The following RTN1 variants were observed in gnomAD, a reference collection of about 807,000 sequenced individuals.
RTN1 encodes reticulon 1, also known as reticulon-1.
In RTN1, 25 loss-of-function variants were observed where a neutral mutation model predicts 65.5. That is an observed-to-expected ratio of 0.38 (90% CI 0.28 to 0.53). The LOEUF (loss-of-function observed/expected upper bound fraction) is 0.53, where lower values mean the gene tolerates loss of function less well. Among genes scored for constraint, RTN1 ranks in the 20% least tolerant of loss-of-function variants. The probability of loss-of-function intolerance (pLI) is 0.79; values close to 1 mark genes in which losing one functional copy is unlikely to be tolerated. For synonymous variants in RTN1, 471 were observed against 447.6 expected, an observed-to-expected ratio of 1.05 and a Z score of -0.66; for missense variants, 983 against 1,025.4, an observed-to-expected ratio of 0.96 and a Z score of 0.57.
intron 1 of RTN1, among the ~76,000 whole-genome samples, chr14:59,779,088 T>C (rs2139571711): frequency 6.6e-6 from 1 of 151,982 alleles, no homozygotes; most frequent in East Asian, 1.9e-4. Flanking sequence ...AGGGGAGCAG[T>C]AATAAGGACC....
Position 59,750,085 on chromosome 14 carries a change from A to ATAT in RTN1, c.242-3605_242-3604insATA, listed in dbSNP as rs1566713053. Reference sequence around the variant, plus strand: ...ATATATTATATATTATATATTATAGACATATATATTATATATTATATATTA... The same window carrying ATAT: ...ATATATTATATATTATATATTATAGATATCATATATATTATATATTATATATTA... On this transcript the variant is annotated intron_variant, in intron 1 of 8. Transcript: ENST00000267484. Among the ~76,000 whole-genome samples the ATAT allele has an allele frequency of 5.0e-4, 39 of 77,782 alleles. 2 individuals carry two copies. Among genetic ancestry groups the ATAT allele is most frequent in the African/African-American group, 7.6e-4 (12 of 15,762 alleles). The allele number at this position is 77,782 out of a possible 152,430, so 51.0% of individuals were successfully genotyped here.
intron 3 of RTN1, among the ~76,000 whole-genome samples, chr14:59,645,427 C>A (rs1882872640): frequency 6.6e-6 from 1 of 152,136 alleles, no homozygotes. Flanking sequence ...TACATGTTTT[C>A]TACATGTTAC....
intron 1 of RTN1, among the ~76,000 whole-genome samples, chr14:59,820,356 G>GTTTTTTTTTTTTTTTT (rs34274539): frequency 1.3e-5 from 1 of 79,330 alleles, no homozygotes; most frequent in African/African-American, 4.7e-5. Context: ...CTTATTGATA[G>GTTTTTTTTTTTTTTTT]TTTTTTTTTT....
intron 1 of RTN1, among the ~76,000 whole-genome samples, chr14:59,810,464 T>G (rs1202802509): frequency 6.6e-6 from 1 of 152,196 alleles, no homozygotes; most frequent in East Asian, 1.9e-4. Flanking sequence ...AGGAGTCTTG[T>G]GTCTTCTACC....
At chr14:59,824,728 G>A (rs1251997995) in intron 1 of RTN1, among the ~76,000 whole-genome samples, 1 of 152,118 alleles carries the variant, frequency 6.6e-6, no homozygotes, top group African/African-American at 2.4e-5. Context: ...CACAAAAAGG[G>A]TTGACAACTA....
chr14:59,732,412 G>C (rs1342709752), intron 2 of RTN1, among the ~76,000 whole-genome samples: 1 of 152,202 alleles, frequency 6.6e-6, no homozygotes, highest in East Asian at 1.9e-4. Context: ...AAAATATCCA[G>C]GTTCTCCCAC....
intron 1 of RTN1, among the ~76,000 whole-genome samples, chr14:59,800,961 T>G (rs1156419534): frequency 1.3e-5 from 2 of 151,880 alleles, no homozygotes; most frequent in Non-Finnish European, 2.9e-5. Context: ...AAAAAGTCCT[T>G]CAAAAAGCTC....
At chr14:59,739,361 C>T (rs1326597217) in intron 2 of RTN1, among the ~76,000 whole-genome samples, 4 of 151,864 alleles carry the variant, frequency 2.6e-5, no homozygotes, top group Middle Eastern at 3.2e-3. Context: ...GCCAGCATGG[C>T]GAAACCCCGT....
At chr14:59,686,428 A>G (rs1404259392) in intron 3 of RTN1, among the ~76,000 whole-genome samples, 1 of 152,274 alleles carries the variant, frequency 6.6e-6, no homozygotes, top group Non-Finnish European at 1.5e-5. Flanking sequence ...ACCTCTGATA[A>G]GGAGTTACTA....
chr14:59,860,591 C>T (rs997282320), intron 1 of RTN1, among the ~76,000 whole-genome samples: 3 of 152,146 alleles, frequency 2.0e-5, no homozygotes, highest in Admixed American at 6.5e-5. Flanking sequence ...GTAGATCCAT[C>T]GACAGCTTGC....
chr14:59,616,525 T>C (rs1330198872), intron 3 of RTN1, among the ~76,000 whole-genome samples: 1 of 152,214 alleles, frequency 6.6e-6, no homozygotes, highest in Non-Finnish European at 1.5e-5. Flanking sequence ...CTTTGGACTT[T>C]ATTTATATAA....
chr14:59,787,169 T>A (rs1886263609), intron 1 of RTN1, among the ~76,000 whole-genome samples: 1 of 152,130 alleles, frequency 6.6e-6, no homozygotes, highest in Admixed American at 6.5e-5. Context: ...TAAATGATGA[T>A]TTGCACTGGC....
At chr14:59,708,214 G>T (rs906060995) in intron 3 of RTN1, among the ~76,000 whole-genome samples, 1 of 152,174 alleles carries the variant, frequency 6.6e-6, no homozygotes, top group Non-Finnish European at 1.5e-5. Flanking sequence ...AATAGGAGGT[G>T]GGGGGAAGCC....
At chr14:59,673,697 C>G in intron 3 of RTN1, among the ~76,000 whole-genome samples, 1 of 152,050 alleles carries the variant, frequency 6.6e-6, no homozygotes, top group East Asian at 1.9e-4. Context: ...AAGGAACCAA[C>G]AGAGAGAGAG....
Position 59,766,676 on chromosome 14 carries a change from T to C in RTN1, c.242-20195A>G, listed in dbSNP as rs1885856875. On this transcript the variant is annotated intron_variant, in intron 1 of 8. Coordinates refer to ENST00000267484, the MANE Select transcript of RTN1 (RefSeq NM_021136.3). The surrounding 1 kb of genome is among the most constrained non-coding windows in gnomAD (Gnocchi z 4.4). ...TATTTCTTAGCATATTTTTATATGC[T>C]GTATATGGATCTTTTCTTCTGGACT... Among the ~76,000 whole-genome samples the C allele has an allele frequency of 6.6e-6, 1 of 152,184 alleles. No individual in the cohort carries two copies. The highest frequency in any genetic ancestry group is 1.5e-5 in the Non-Finnish European group (1 of 68,028).
chr14:59,673,365 G>A (rs1222795277), intron 3 of RTN1, among the ~76,000 whole-genome samples: 2 of 152,208 alleles, frequency 1.3e-5, no homozygotes, highest in Non-Finnish European at 2.9e-5. Flanking sequence ...CTGGAGCTAG[G>A]CAAATGCGGG....
chr14:59,726,947 G>A lies in RTN1; in HGVS notation c.1737C>T (p.Pro579=). The change falls in exon 3 of 9, where the codon CCC becomes CCT. Residue 579 remains proline, a synonymous_variant. Transcript: ENST00000267484. ...TTTGCTTATTGAGAAACAGCAGTGG[G>A]GGCGGGGCGCCAGGACCTAGAGGCC... ...GPGPLGPGAP[P]PLLFLNKQKA... is the part of the protein sequence containing the mutation. The A allele has an allele frequency of 6.2e-7, 1 of 1,613,136 alleles. No homozygotes were observed. Among genetic ancestry groups the A allele is most frequent in the Non-Finnish European group, 8.5e-7 (1 of 1,179,636 alleles).
chr14:59,798,497 A>G (rs1022866595), intron 1 of RTN1, among the ~76,000 whole-genome samples: 1 of 152,188 alleles, frequency 6.6e-6, no homozygotes, highest in Non-Finnish European at 1.5e-5. Flanking sequence ...CTCTAAGAGA[A>G]AAAGTAGCTG....
intron 1 of RTN1, among the ~76,000 whole-genome samples, chr14:59,769,687 G>A (rs963761475): frequency 1.3e-5 from 2 of 152,160 alleles, no homozygotes; most frequent in African/African-American, 4.8e-5. Context: ...CCTTTATCAC[G>A]TAACAGTCTA....
Sources: allele counts gnomAD v4.1 joint callset (sites outside exome capture counted in the v4.1 genomes callset), GRCh38; gene constraint gnomAD v4.1.1; non-coding constraint Gnocchi (gnomAD v3.1); transcripts MANE v1.5; gene names NCBI Gene and HGNC (gene_info 2026-07-23, HGNC 2026-07-21).